Variants in STIM1 observed in about 807,000 individuals in gnomAD.
The protein encoded by STIM1 is stromal interaction molecule 1.
STIM1 carries 25 observed loss-of-function variants against 74.7 expected under a neutral mutation model. The observed-to-expected ratio is 0.33, with a 90% CI of 0.24 to 0.47. The LOEUF is 0.47. Ranked by LOEUF, STIM1 falls within the 20% of genes least tolerant of loss-of-function variation. The pLI is 1.00. For missense variants in STIM1, 728 were observed against 920.8 expected (o/e 0.79, Z 2.71); for synonymous variants, 328 against 348.8 (o/e 0.94, Z 0.66).
chr11:4,036,611 G>T (rs770902014), intron 3 of STIM1, among the ~76,000 whole-genome samples: 1 of 152,158 alleles, frequency 6.6e-6, no homozygotes, highest in Admixed American at 6.5e-5. Flanking sequence ...GATCAGTGAC[G>T]TTGAGCTTTT....
intron 2 of STIM1, among the ~76,000 whole-genome samples, chr11:4,018,458 CAAAAAAAAAAAA>C (rs1157096857): frequency 1.3e-3 from 26 of 20,558 alleles, no homozygotes; most frequent in African/African-American, 2.3e-3. Flanking sequence ...GACTCCGTCT[CAAAAAAAAAAAA>C]AAAAAAAAAA....
At chr11:4,001,554 C>T (rs186325757) in intron 2 of STIM1, among the ~76,000 whole-genome samples, 3,653 of 152,168 alleles carry the variant, frequency 0.024, 144 homozygotes, top group African/African-American at 0.084. Flanking sequence ...TTTGTCACCA[C>T]CAGGTCTGCC....
chr11:3,990,884 G>A (rs1458921669), intron 2 of STIM1, among the ~76,000 whole-genome samples: 1 of 152,110 alleles, frequency 6.6e-6, no homozygotes, highest in Admixed American at 6.5e-5. Context: ...TGATGCTGAG[G>A]TTTGGGATTC....
At chr11:4,023,025 A>G (rs564319249) in intron 2 of STIM1, among the ~76,000 whole-genome samples, 4 of 152,318 alleles carry the variant, frequency 2.6e-5, no homozygotes, top group East Asian at 1.9e-4. Context: ...CAATTTGTGG[A>G]CATGTTTTAA....
At chr11:3,954,817 C>T (rs2093191515) in intron 1 of STIM1, among the ~76,000 whole-genome samples, 1 of 152,136 alleles carries the variant, frequency 6.6e-6, no homozygotes, top group Non-Finnish European at 1.5e-5. Context: ...AAGTGATATG[C>T]CTACTTTAGA....
intron 1 of STIM1, among the ~76,000 whole-genome samples, chr11:3,885,702 A>G (rs1170888022): frequency 1.3e-5 from 2 of 151,844 alleles, no homozygotes; most frequent in Non-Finnish European, 1.5e-5. Flanking sequence ...TGGTGGCACA[A>G]TCATGGCTCA....
At chr11:4,070,340 C>A in intron 6 of STIM1, 137 bp downstream of exon 6, 1 of 964,746 alleles carries the variant, frequency 1.0e-6, no homozygotes, top group Non-Finnish European at 1.6e-6. Flanking sequence ...TCCAAAACTG[C>A]ATTGCAAGTT....
chr11:3,874,685 G>A (rs1255107476), intron 1 of STIM1, among the ~76,000 whole-genome samples: 2 of 152,128 alleles, frequency 1.3e-5, no homozygotes, highest in African/African-American at 4.8e-5. Context: ...TCTGCCTCTC[G>A]CTAATCTGTC....
At chr11:4,090,513 C>T (rs142805157) in intron 12 of STIM1, among the ~76,000 whole-genome samples, 1 of 152,338 alleles carries the variant, frequency 6.6e-6, no homozygotes, top group East Asian at 1.9e-4. Context: ...GAAGAGGCAG[C>T]ATCCTGGCCT....
chr11:3,990,321 A>G (rs146631113), intron 2 of STIM1, among the ~76,000 whole-genome samples: 208 of 152,340 alleles, frequency 1.4e-3, no homozygotes, highest in African/African-American at 4.4e-3. Context: ...TCATCAATTT[A>G]TAGACATCTG....
intron 1 of STIM1, among the ~76,000 whole-genome samples, chr11:3,869,957 TG>T (rs1173636497): frequency 6.6e-6 from 1 of 152,128 alleles, no homozygotes; most frequent in East Asian, 1.9e-4. Context: ...GTTTTGAGTG[TG>T]GGTCATGAAG....
intron 3 of STIM1, among the ~76,000 whole-genome samples, chr11:4,025,637 G>A (rs928034440): frequency 2.0e-5 from 3 of 152,142 alleles, no homozygotes; most frequent in Non-Finnish European, 4.4e-5. Context: ...ATTAAAGATG[G>A]CAGGGAGAGC....
intron 2 of STIM1, among the ~76,000 whole-genome samples, chr11:4,012,122 T>A (rs774841502): frequency 1.3e-5 from 2 of 152,230 alleles, no homozygotes; most frequent in Non-Finnish European, 2.9e-5. Context: ...TTTTGGTTAC[T>A]GTAGCCTTGT....
intron 2 of STIM1, among the ~76,000 whole-genome samples, chr11:4,000,941 A>G (rs549519454): frequency 9.2e-5 from 14 of 152,390 alleles, no homozygotes; most frequent in African/African-American, 3.1e-4. Flanking sequence ...TGAAGAATGC[A>G]GAAGCCTCAG....
intron 2 of STIM1, among the ~76,000 whole-genome samples, chr11:3,990,398 G>T (rs187356269): frequency 6.6e-6 from 1 of 152,270 alleles, no homozygotes; most frequent in South Asian, 2.1e-4. Flanking sequence ...TTGTGTGGAC[G>T]TGTGTTTTAT....
At chr11:3,962,378 G>A (rs142406232) in intron 1 of STIM1, among the ~76,000 whole-genome samples, 10 of 152,088 alleles carry the variant, frequency 6.6e-5, no homozygotes, top group Non-Finnish European at 1.5e-4. Context: ...TTCAGATAGC[G>A]GCCTCCAGTT....
At chr11:3,892,656 T>C (rs1305505610) in intron 1 of STIM1, 66 of 1,610,612 alleles carry the variant, frequency 4.1e-5, no homozygotes, top group Non-Finnish European at 5.4e-5. Context: ...TCCCCGTAGA[T>C]GGACTTGCTG....
chr11:3,955,127 G>T (rs2093195463), intron 1 of STIM1, among the ~76,000 whole-genome samples: 1 of 152,194 alleles, frequency 6.6e-6, no homozygotes, highest in South Asian at 2.1e-4. Context: ...GCACAAAAGA[G>T]TACATACTGA....
intron 2 of STIM1, among the ~76,000 whole-genome samples, chr11:3,971,588 G>C (rs926781998): frequency 6.6e-6 from 1 of 151,994 alleles, no homozygotes; most frequent in African/African-American, 2.4e-5. Flanking sequence ...GATATCCATG[G>C]GATATCTGTT....
Sources: gnomAD v4.1 joint callset for allele counts (sites outside exome capture counted in the v4.1 genomes callset) on GRCh38, gnomAD v4.1.1 for gene constraint, MANE v1.5 for transcripts, NCBI Gene and HGNC (gene_info 2026-07-23, HGNC 2026-07-21) for gene names.